Variants in ORC3 observed in about 807,000 individuals in gnomAD.
ORC3 encodes homolog of latheo, Drosophila.
A neutral mutation model predicts 100.7 loss-of-function variants in ORC3; 78 were observed. That is an observed-to-expected ratio of 0.77 (90% CI 0.65 to 0.94). The LOEUF is 0.94. ORC3 is among the 40% of genes least tolerant of loss of function. ORC3 has a pLI of 0.00. For missense variants in ORC3, 789 were observed against 823.9 expected, an observed-to-expected ratio of 0.96 and a Z score of 0.52; for synonymous variants, 295 against 289.3, an observed-to-expected ratio of 1.02 and a Z score of -0.20.
intron 4 of ORC3, among the ~76,000 whole-genome samples, chr6:87,604,155 C>A (rs943353724): frequency 1.3e-5 from 2 of 152,162 alleles, no homozygotes; most frequent in African/African-American, 4.8e-5. Flanking sequence ...AGCAAATTTT[C>A]TTCATTCCCT....
At chr6:87,606,281 C>T (rs1778334843) in intron 5 of ORC3, among the ~76,000 whole-genome samples, 1 of 152,198 alleles carries the variant, frequency 6.6e-6, no homozygotes, top group African/African-American at 2.4e-5. Flanking sequence ...TTGTGAGATG[C>T]ATTCTTTAAC....
At chr6:87,659,156 C>T (rs1021833597) in intron 16 of ORC3, among the ~76,000 whole-genome samples, 5 of 150,342 alleles carry the variant, frequency 3.3e-5, no homozygotes, top group Non-Finnish European at 7.4e-5. Flanking sequence ...CTCCGCCTCC[C>T]GGGTTCAAGG....
chr6:87,642,310 G>T (rs564764284), intron 13 of ORC3, among the ~76,000 whole-genome samples: 9 of 151,920 alleles, frequency 5.9e-5, no homozygotes, highest in Middle Eastern at 3.4e-3. Flanking sequence ...TAATAAATAG[G>T]CCGAGCATAG....
At chr6:87,606,158 T>TG (rs1242635911) in intron 5 of ORC3, 137 bp downstream of exon 5, 1 of 559,916 alleles carries the variant, frequency 1.8e-6, no homozygotes, top group African/African-American at 1.9e-5. Context: ...GGGTGAGGTT[T>TG]GGGGGCTCTC....
chr6:87,622,729 C>T (rs949308361), intron 11 of ORC3, among the ~76,000 whole-genome samples: 3 of 152,078 alleles, frequency 2.0e-5, no homozygotes, highest in African/African-American at 7.2e-5. Flanking sequence ...ATAGAGTCTC[C>T]ATACATACAA....
the ORC3 span, among the ~76,000 whole-genome samples, chr6:87,676,848 G>A: frequency 6.6e-6 from 1 of 150,578 alleles, no homozygotes; most frequent in African/African-American, 2.4e-5. Context: ...AGGCCAAGGC[G>A]GGCAGATCAC....
At chr6:87,602,359 C>T (rs1364789091) in intron 3 of ORC3, among the ~76,000 whole-genome samples, 5 of 152,144 alleles carry the variant, frequency 3.3e-5, no homozygotes, top group African/African-American at 1.2e-4. Context: ...ACTGTGAAAT[C>T]AAGCTGTTTC....
At chr6:87,596,083 C>T (rs1316926097) in intron 2 of ORC3, among the ~76,000 whole-genome samples, 1 of 152,006 alleles carries the variant, frequency 6.6e-6, no homozygotes, top group Non-Finnish European at 1.5e-5. Context: ...TCAAGTGATC[C>T]TCCCACCTCA....
intron 13 of ORC3, chr6:87,650,987 A>G (rs1769216520): frequency 2.8e-6 from 1 of 361,482 alleles, no homozygotes; most frequent in Non-Finnish European, 5.4e-6. Flanking sequence ...AGCCTGAGCA[A>G]CAAGAGCAAA....
At chr6:87,658,625 T>C (rs1583166071) in intron 16 of ORC3, among the ~76,000 whole-genome samples, 1 of 152,304 alleles carries the variant, frequency 6.6e-6, no homozygotes. Context: ...AATGTTTCTC[T>C]TTCTAATAAT....
At chr6:87,614,050 T>C (rs531037214) in intron 8 of ORC3, among the ~76,000 whole-genome samples, 1 of 152,328 alleles carries the variant, frequency 6.6e-6, no homozygotes, top group African/African-American at 2.4e-5. Flanking sequence ...CCTTTCACAC[T>C]GCCCTAGCAG....
At chr6:87,659,593 C>T (rs1438419056) in intron 16 of ORC3, among the ~76,000 whole-genome samples, 1 of 151,860 alleles carries the variant, frequency 6.6e-6, no homozygotes, top group Non-Finnish European at 1.5e-5. Flanking sequence ...CCAAAACGAT[C>T]AACCAAGGCC....
rs773079986 is a variant in ORC3 at position 87,658,003 on chromosome 6, T to C, written c.1676T>C (p.Ile559Thr). The C allele has an allele frequency of 1.3e-6, 2 of 1,593,886 alleles. No individual in the cohort carries two copies. The highest frequency in any genetic ancestry group is 4.5e-5 in the East Asian group (2 of 44,794). ...EVLRENVVNF[I>T]DCLVREYLLP... ...CTCAGAGAAAATGTTGTGAACTTCA[T>C]TGACTGTCTAGTGAGGTAAGTCTAA... The change falls in exon 16 of 20, where the codon ATT becomes ACT. Residue 559 changes from isoleucine (I) to threonine (T), a missense_variant. Around this residue, in one of 3 missense-constraint regions of ORC3, gnomAD observed 366 missense variants for 394.2 expected, o/e 0.93. Transcript: ENST00000392844.
chr6:87,671,646 G>A (rs1258210657), downstream of ORC3, among the ~76,000 whole-genome samples: 1 of 152,162 alleles, frequency 6.6e-6, no homozygotes. Context: ...CAGCAAGACA[G>A]AGAAGGAGCA....
intron 1 of ORC3, among the ~76,000 whole-genome samples, chr6:87,591,857 G>A (rs1247776207): frequency 1.3e-5 from 2 of 151,908 alleles, no homozygotes; most frequent in Admixed American, 6.6e-5. Flanking sequence ...TCAGCCTCCC[G>A]GGCAGTTGGG....
At chr6:87,672,221 AAAGG>A (rs1311846869), downstream of ORC3, among the ~76,000 whole-genome samples, 1 of 152,228 alleles carries the variant, frequency 6.6e-6, no homozygotes, top group Non-Finnish European at 1.5e-5. Context: ...TGGTGAAAAA[AAAGG>A]AAGGGGTAAT....
At chr6:87,676,033 A>G in the ORC3 span, 3 of 950,450 alleles carry the variant, frequency 3.2e-6, no homozygotes, top group Non-Finnish European at 4.9e-6. Flanking sequence ...TAAGTTGACA[A>G]AATCACTTAC....
chr6:87,665,935 A>G, intron 19 of ORC3, 102 bp downstream of exon 19: 2 of 647,890 alleles, frequency 3.1e-6, no homozygotes, highest in Non-Finnish European at 5.5e-6. Flanking sequence ...CGTACTCCAA[A>G]CAACCGTATT....
rs369815671 is a variant in ORC3, at chr6:87,605,981, C to T, written c.387C>T (p.Val129=). Residue 129 remains valine, a synonymous_variant, in exon 5 of 20, where the codon GTC becomes GTT. Transcript: ENST00000392844. The part of the protein sequence containing the change: ...GSLTEALQNN[V]TPYVVSLQAK... ...TAACAGAGGCCCTTCAGAATAATGTCACACCATATGTAGTCTCATTGCAAG... is the reference window on the plus strand; with the variant it reads ...TAACAGAGGCCCTTCAGAATAATGTTACACCATATGTAGTCTCATTGCAAG... 7 of 1,607,864 alleles carry T rather than the reference C, an allele frequency of 4.4e-6. No homozygotes were observed. Among genetic ancestry groups the T allele is most frequent in the Non-Finnish European group, 6.0e-6 (7 of 1,174,872 alleles).
Sources: gnomAD v4.1 joint callset for allele counts (sites outside exome capture counted in the v4.1 genomes callset) on GRCh38, gnomAD v4.1.1 for gene constraint, gnomAD v4.1.1 regional missense constraint, MANE v1.5 for transcripts, NCBI Gene and HGNC (gene_info 2026-07-23, HGNC 2026-07-21) for gene names.